ADA2: variants seen among roughly 807,000 people sequenced by gnomAD.
The protein encoded by ADA2 is adenosine deaminase CECR1.
In ADA2, 29 loss-of-function variants were observed where a neutral mutation model predicts 44.2. That is an observed-to-expected ratio of 0.66 (90% CI 0.49 to 0.89). The LOEUF (loss-of-function observed/expected upper bound fraction) is 0.89, where lower values mean the gene tolerates loss of function less well. Ranked by LOEUF, ADA2 falls within the 40% of genes least tolerant of loss-of-function variation. ADA2 has a pLI of 0.00. For missense variants in ADA2, 637 were observed against 644.8 expected (o/e 0.99, Z 0.13); for synonymous variants, 215 against 234.9 (o/e 0.92, Z 0.77).
intron 3 of ADA2, among the ~76,000 whole-genome samples, chr22:17,205,845 G>A (rs899805832): frequency 1.3e-5 from 2 of 151,502 alleles, no homozygotes; most frequent in African/African-American, 2.4e-5. Flanking sequence ...GGGCATGATG[G>A]TGCACACCTC....
intron 6 of ADA2, 22 bp from the exon 7 acceptor site, chr22:17,188,469 G>A: frequency 6.4e-7 from 1 of 1,561,426 alleles, no homozygotes; most frequent in Non-Finnish European, 8.8e-7. Context: ...AGAGGGACAG[G>A]GAGGTGTCTG....
chr22:17,188,554 G>A (rs756876149), intron 6 of ADA2, 107 bp from the exon 7 acceptor site: 52 of 686,338 alleles, frequency 7.6e-5, no homozygotes, highest in Non-Finnish European at 1.2e-4. Context: ...TGCCACCACT[G>A]CCGGGACCTT....
At chr22:17,208,818 T>TTTTTTTTTTTTTTTTTTTTTTGAG (rs1568988096) in intron 2 of ADA2, among the ~76,000 whole-genome samples, 18 of 150,438 alleles carry the variant, frequency 1.2e-4, no homozygotes, top group East Asian at 5.9e-4. Flanking sequence ...AAATTTTTTT[T>TTTTTTTTTTTTTTTTTTTTTTGAG]AATAAAAAAA....
chr22:17,184,014 A>T lies in ADA2; in HGVS notation c.1082-1253T>A, dbSNP rs190684618. ...CGCTCTGTCACCCAGGCTGGAGTGC[A>T]GTGGTGCAGTCTCGGCTCACTGCAA... On this transcript the variant is annotated intron_variant, in intron 7 of 9. Transcript: ENST00000399837. Among the ~76,000 whole-genome samples the T allele has an allele frequency of 6.5e-3, 760 of 116,726 alleles. 3 individuals are homozygous for T. Among genetic ancestry groups the T allele is most frequent in the Middle Eastern group, 0.011 (1 of 90 alleles). The allele number at this position is 116,726 out of a possible 152,430, so 76.6% of individuals were successfully genotyped here.
intron 6 of ADA2, chr22:17,188,868 A>AAAAAAAAAAAAAAAATATATATATATAT: frequency 1.2e-5 from 1 of 81,182 alleles, no homozygotes; most frequent in African/African-American, 4.2e-5. Flanking sequence ...AAGAGCAAAA[A>AAAAAAAAAAAAAAAATATATATATATAT]ATATATATAT....
In ADA2 at chr22:17,203,554, T is replaced by C; in HGVS notation, c.753+9A>G. 6.2e-7 allele frequency: 1 copy of C among 1,608,322 alleles called. No homozygotes were observed. The highest frequency in any genetic ancestry group is 8.5e-7 in the Non-Finnish European group (1 of 1,176,390). On this transcript the variant is annotated intron_variant, in intron 4 of 9. Transcript: ENST00000399837. ...AGGTGGGAGGAACAGAGAGGAGAGCTGGGCTCACCGGCAGCAGCCTGGCTC... is the reference window on the plus strand; with the variant it reads ...AGGTGGGAGGAACAGAGAGGAGAGCCGGGCTCACCGGCAGCAGCCTGGCTC...
intron 3 of ADA2, 65 bp from the exon 4 acceptor site, chr22:17,203,838 T>C (rs2062321723): frequency 7.5e-6 from 8 of 1,060,898 alleles, no homozygotes; most frequent in Admixed American, 5.8e-5. Flanking sequence ...CGGGCGCCCA[T>C]AGGACTGCTA....
chr22:17,206,540 T>C (rs2062355529), intron 3 of ADA2, among the ~76,000 whole-genome samples: 1 of 152,178 alleles, frequency 6.6e-6, no homozygotes, highest in African/African-American at 2.4e-5. Context: ...CTGATAATGC[T>C]TTTTGTAGAT....
At chr22:17,210,746 C>T (rs1377361609) in intron 1 of ADA2, among the ~76,000 whole-genome samples, 4 of 151,834 alleles carry the variant, frequency 2.6e-5, no homozygotes, top group East Asian at 3.9e-4. Flanking sequence ...TACAGGCACG[C>T]GTCACCATAC....
Position 17,208,565 on chromosome 22 carries a change from G to A in ADA2, c.322+791C>T, listed in dbSNP as rs1309633465. ...CACCTGTAATCCCAGCACTTTGGGA[G>A]GCCGAGGAGTGTGGATTGCCTGAGC... On this transcript the variant is annotated intron_variant, in intron 2 of 9. Transcript: ENST00000399837. Among the ~76,000 whole-genome samples, 3 of 152,014 alleles carry A rather than the reference G, an allele frequency of 2.0e-5. 1 individual carries two copies. Among genetic ancestry groups the A allele is most frequent in the African/African-American group, 7.2e-5 (3 of 41,386 alleles).
rs552236061 is a variant in ADA2, at chr22:17,199,733, A to G, written c.753+3830T>C. 4.3e-5 allele frequency: 65 copies of G among 1,496,824 alleles called. No homozygotes were observed. The African/African-American group carries it at 7.4e-4, about 17-fold the overall frequency. 92.7% of individuals were successfully genotyped at this position (1,496,824 alleles called of 1,614,324 possible). On this transcript the variant is annotated intron_variant, in intron 4 of 9. Transcript: ENST00000399837. ...TGGGTCCAGCCACCCCTTACTACCT[A>G]TTTGACCTTCATCAAGCTCTTTGAC...
At chr22:17,199,064 C>T (rs1158537330) in intron 4 of ADA2, among the ~76,000 whole-genome samples, 5 of 152,164 alleles carry the variant, frequency 3.3e-5, no homozygotes, top group African/African-American at 9.7e-5. Context: ...CTAGACTCTC[C>T]GTGGCAAAAG....
chr22:17,199,650 T>C, intron 4 of ADA2: 1 of 1,613,088 alleles, frequency 6.2e-7, no homozygotes, highest in African/African-American at 1.3e-5. Context: ...GCGTGGCTAT[T>C]AGGACGCTCA....
rs753078362 is a variant in ADA2, at chr22:17,188,462, G to A, written c.973-15C>T. ...TCATGCCCCACCTGCAGGACAGAGA[G>A]GGACAGGGAGGTGTCTGCAGGGCGC... is the stretch of plus-strand genomic sequence containing the variant. On this transcript the variant is annotated splice_polypyrimidine_tract_variant and intron_variant, in intron 6 of 9. Transcript: ENST00000399837. 1 of 1,575,340 alleles carries A rather than the reference G, an allele frequency of 6.3e-7. No homozygotes were observed. Among genetic ancestry groups the A allele is most frequent in the East Asian group, 2.2e-5 (1 of 44,660 alleles).
chr22:17,188,207 G>A lies in ADA2; in HGVS notation c.1081+132C>T, dbSNP rs532424743. Reference sequence around the variant, plus strand: ...TCCTTCTCCATGGGGCTGTTGTCAGGATTAAGTGAGATAGAGCACAGGAAA... The same window carrying A: ...TCCTTCTCCATGGGGCTGTTGTCAGAATTAAGTGAGATAGAGCACAGGAAA... On this transcript the variant is annotated intron_variant, in intron 7 of 9. Transcript: ENST00000399837. 2.0e-5 allele frequency: 12 copies of A among 599,132 alleles called. No individual in the cohort carries two copies. The South Asian group carries it at 2.5e-4, about 12-fold the overall frequency. The allele number at this position is 599,132 out of a possible 1,614,324, so 37.1% of individuals were successfully genotyped here. A position where few individuals can be genotyped will look rare whatever the true frequency, so the allele number is the denominator to read the frequency against.
At chr22:17,195,824 G>A (rs1275899428) in intron 4 of ADA2, among the ~76,000 whole-genome samples, 8 of 149,878 alleles carry the variant, frequency 5.3e-5, no homozygotes, top group East Asian at 4.1e-4. Flanking sequence ...GCAGTGGTGC[G>A]ATCTCGGCTC....
intron 7 of ADA2, among the ~76,000 whole-genome samples, 160 bp from the exon 8 acceptor site, chr22:17,182,921 C>G (rs1471826587): frequency 4.6e-5 from 7 of 151,286 alleles, no homozygotes; most frequent in African/African-American, 1.7e-4. Context: ...TACACACACA[C>G]AGTTTCCTTT....
rs1457655062 is a variant in ADA2, at chr22:17,182,529, C to G, written c.1239+75G>C. ...GAGAGTTAAGGAGAGATAAGTTATACAGCAAAAAGTTTAAGAGAGCAGAGG... is the reference window on the plus strand; with the variant it reads ...GAGAGTTAAGGAGAGATAAGTTATAGAGCAAAAAGTTTAAGAGAGCAGAGG... On this transcript the variant is annotated intron_variant, in intron 8 of 9. Coordinates refer to ENST00000399837, the MANE Select transcript of ADA2 (RefSeq NM_001282225.2). 20 of 1,430,768 alleles carry G rather than the reference C, an allele frequency of 1.4e-5. No homozygotes were observed. In the East Asian group the frequency reaches 3.0e-4, roughly 21 times the overall value. 88.6% of individuals were successfully genotyped at this position (1,430,768 alleles called of 1,614,324 possible). A position where few individuals can be genotyped will look rare whatever the true frequency, so the allele number is the denominator to read the frequency against.
In ADA2 at chr22:17,182,740, T is replaced by G. The variant is rs1432703898; in HGVS notation, c.1103A>C (p.Asp368Ala). 6.2e-7 allele frequency: 1 copy of G among 1,613,588 alleles called. No individual in the cohort carries two copies. Among genetic ancestry groups the G allele is most frequent in the African/African-American group, 1.3e-5 (1 of 75,014 alleles). The change falls in exon 8 of 10, where the codon GAC becomes GCC. Residue 368 changes from aspartate (D) to alanine (A), a missense_variant. Transcript: ENST00000399837. ...CATCAGAGCATCCAGAATGTTCCTG[T>G]CTATGGAAGTACCCTGCCAGTCTGA... ...GETDWQGTSI[D>A]RNILDALMLN...
Sources: gnomAD v4.1 joint callset for allele counts (sites outside exome capture counted in the v4.1 genomes callset) on GRCh38, gnomAD v4.1.1 for gene constraint, MANE v1.5 for transcripts, NCBI Gene and HGNC (gene_info 2026-07-23, HGNC 2026-07-21) for gene names.